Variants in KIF13A observed in about 807,000 individuals in gnomAD.
KIF13A encodes kinesin family member 13A.
A neutral mutation model predicts 212.2 loss-of-function variants in KIF13A; 79 were observed. That is an observed-to-expected ratio of 0.37 (90% CI 0.31 to 0.45). KIF13A has a LOEUF of 0.45. Ranked by LOEUF, KIF13A falls within the 20% of genes least tolerant of loss-of-function variation. KIF13A has a pLI of 1.00. For synonymous variants in KIF13A, 789 were observed against 808.6 expected (o/e 0.98, Z 0.41); for missense variants, 1,901 against 2,209.0 (o/e 0.86, Z 2.79).
At chr6:17,907,462 T>C (rs932623833) in intron 2 of KIF13A, among the ~76,000 whole-genome samples, 24 of 152,016 alleles carry the variant, frequency 1.6e-4, no homozygotes, top group African/African-American at 5.8e-4. Flanking sequence ...ATCCATGTGG[T>C]TAATAGCATG....
downstream of KIF13A, among the ~76,000 whole-genome samples, chr6:17,761,875 C>T (rs1041634386): frequency 6.6e-6 from 1 of 152,084 alleles, no homozygotes; most frequent in Non-Finnish European, 1.5e-5. Flanking sequence ...CCTCTTCCCT[C>T]TTCTATGGGC....
intron 3 of KIF13A, 96 bp from the exon 4 acceptor site, chr6:17,873,533 G>A: frequency 1.2e-6 from 1 of 813,566 alleles, no homozygotes. Flanking sequence ...GAGAAGGATG[G>A]CCACTACTGT....
Position 17,873,520 on chromosome 6 carries a change from G to T in KIF13A, c.160-83C>A, listed in dbSNP as rs1449384385. On this transcript the variant is annotated intron_variant, in intron 3 of 38. Transcript: ENST00000259711. ...CAGACTAAAATAAATCACAGGTGAA[G>T]ATGAGAAGGATGGCCACTACTGTCT... 3.3e-6 allele frequency: 3 copies of T among 907,162 alleles called. No individual in the cohort carries two copies. In the East Asian group the frequency reaches 8.0e-5, roughly 24 times the overall value. The allele number at this position is 907,162 out of a possible 1,614,324, so 56.2% of individuals were successfully genotyped here.
intron 2 of KIF13A, among the ~76,000 whole-genome samples, chr6:17,944,689 C>T (rs551725608): frequency 6.6e-6 from 1 of 152,126 alleles, no homozygotes; most frequent in Admixed American, 6.6e-5. Context: ...AATTTCACTT[C>T]CAAAATCTAA....
chr6:17,817,311 G>A, intron 16 of KIF13A, 78 bp from the exon 17 acceptor site: 1 of 1,284,340 alleles, frequency 7.8e-7, no homozygotes, highest in Non-Finnish European at 1.1e-6. Flanking sequence ...GCAGCCTGTG[G>A]GAGGCTTCCT....
chr6:17,844,964 G>A lies in KIF13A; in HGVS notation c.830+4413C>T, dbSNP rs186246919. On this transcript the variant is annotated intron_variant, in intron 9 of 38. Transcript: ENST00000259711. The stretch of plus-strand genomic sequence containing the variant: ...AAGAAGAAAAAAAGGAAGACTGAGT[G>A]TATTAGTCCATTTTCATGCTGCTGA... Among the ~76,000 whole-genome samples the A allele has an allele frequency of 3.4e-3, 522 of 152,286 alleles. 3 individuals carry two copies. Among genetic ancestry groups the A allele is most frequent in the Non-Finnish European group, 6.1e-3 (416 of 68,018 alleles).
intron 14 of KIF13A, among the ~76,000 whole-genome samples, chr6:17,827,185 C>T (rs1047607930): frequency 2.6e-5 from 4 of 152,280 alleles, no homozygotes; most frequent in South Asian, 4.1e-4. Context: ...GCCTCAACCT[C>T]GTGGGCTCAA....
rs745897585 is a variant in KIF13A at position 17,764,731 on chromosome 6, G to C, written c.4797C>G (p.Tyr1599Ter). Residue 1599 changes from tyrosine to a stop codon, truncating the protein, a stop_gained, in exon 39 of 39, where the codon TAC becomes TAG. Transcript: ENST00000259711. LOFTEE classifies it low-confidence loss of function (END_TRUNC). The surrounding 1 kb of genome is among the most constrained non-coding windows in gnomAD (Gnocchi z 5.1). ...TGGCATTGGAGGCACTGTGGGAAAA[G>C]TAGCCACTGGTAATACTGCTGGTGG... ...SPTTSSITSG[Y>*]FSHSASNATL... 1.2e-6 allele frequency: 2 copies of C among 1,612,402 alleles called. No homozygotes were observed. Among genetic ancestry groups the C allele is most frequent in the Non-Finnish European group, 1.7e-6 (2 of 1,179,382 alleles).
chr6:17,846,811 A>G (rs1038833112), intron 9 of KIF13A, among the ~76,000 whole-genome samples: 2 of 152,178 alleles, frequency 1.3e-5, no homozygotes, highest in African/African-American at 4.8e-5. Context: ...TTACTCTGGG[A>G]CAAAAGTATC....
At chr6:17,770,387 A>C (rs1298564932) in intron 38 of KIF13A, 1 of 79,480 alleles carries the variant, frequency 1.3e-5, no homozygotes, top group African/African-American at 3.7e-5. Flanking sequence ...TTTTTTTTGT[A>C]AATTGAGGTA....
chr6:17,781,136 C>T (rs368823202), intron 30 of KIF13A, 41 bp downstream of exon 30: 23 of 1,612,082 alleles, frequency 1.4e-5, no homozygotes, highest in Non-Finnish European at 1.9e-5. Flanking sequence ...GCCTTGTGTG[C>T]TAATCTGAAG....
chr6:17,783,148 T>C lies in KIF13A; in HGVS notation c.3544+498A>G. On this transcript the variant is annotated intron_variant, in intron 29 of 38. Transcript: ENST00000259711. This position sits in a 1 kb window ranked among gnomAD's most constrained non-coding sequence, Gnocchi z 4.3. ...TGCCGTTGTTTTCTACACATGGGGT[T>C]CCAGTTAATATTTCGTTTAGAAAAG... 6.6e-6 allele frequency among the ~76,000 whole-genome samples: 1 copy of C among 152,218 alleles called. No individual in the cohort carries two copies. The highest frequency in any genetic ancestry group is 2.4e-5 in the African/African-American group (1 of 41,454).
intron 19 of KIF13A, among the ~76,000 whole-genome samples, chr6:17,804,848 A>AAAAAT (rs1581358921): frequency 7.0e-6 from 1 of 142,656 alleles, no homozygotes; most frequent in Non-Finnish European, 1.5e-5. Flanking sequence ...AAAAAAAAGA[A>AAAAAT]TTAGCCCATG....
intron 2 of KIF13A, among the ~76,000 whole-genome samples, chr6:17,917,825 T>C (rs769778278): frequency 6.6e-6 from 1 of 152,160 alleles, no homozygotes; most frequent in East Asian, 1.9e-4. Context: ...AAGTTCCAGA[T>C]TGTCGTCTGT....
intron 2 of KIF13A, among the ~76,000 whole-genome samples, chr6:17,904,920 C>T (rs927989949): frequency 1.3e-5 from 2 of 152,210 alleles, no homozygotes; most frequent in Admixed American, 1.3e-4. Context: ...CATTTGCCTC[C>T]TGGAAATTAG....
At chr6:17,774,289 T>C (rs1371964671) in intron 35 of KIF13A, among the ~76,000 whole-genome samples, 5 of 152,110 alleles carry the variant, frequency 3.3e-5, no homozygotes, top group Non-Finnish European at 5.9e-5. Context: ...TAAGATCATG[T>C]TGCAATCTGT....
At chr6:17,887,416 T>C (rs530220605) in intron 3 of KIF13A, among the ~76,000 whole-genome samples, 1 of 152,166 alleles carries the variant, frequency 6.6e-6, no homozygotes, top group Non-Finnish European at 1.5e-5. Flanking sequence ...CCTAGATTAT[T>C]ATCCACCCTA....
At chr6:17,862,937 G>T (rs969822120) in intron 4 of KIF13A, among the ~76,000 whole-genome samples, 1 of 152,134 alleles carries the variant, frequency 6.6e-6, no homozygotes, top group Admixed American at 6.5e-5. Flanking sequence ...GACAGAGCGA[G>T]ACTGCGTCTC....
chr6:17,795,039 C>A, intron 23 of KIF13A: 1 of 218,480 alleles, frequency 4.6e-6, no homozygotes, highest in Non-Finnish European at 9.0e-6. Context: ...AACTGTGTAA[C>A]TCTCAGAGAT....
Sources: gnomAD v4.1 joint callset for allele counts (sites outside exome capture counted in the v4.1 genomes callset) on GRCh38, gnomAD v4.1.1 for gene constraint, Gnocchi (gnomAD v3.1) non-coding constraint, MANE v1.5 for transcripts, NCBI Gene and HGNC (gene_info 2026-07-23, HGNC 2026-07-21) for gene names.